The following ADGRG6 variants were observed in gnomAD, a reference collection of about 807,000 sequenced individuals.
The protein encoded by ADGRG6 is G-protein coupled receptor 126.
Under a neutral mutation model 142.4 loss-of-function variants are expected in ADGRG6, and 84 were observed. The observed-to-expected ratio is 0.59, with a 90% CI of 0.49 to 0.71. The LOEUF (loss-of-function observed/expected upper bound fraction) is 0.71. Among genes scored for constraint, ADGRG6 ranks in the 30% least tolerant of loss-of-function variants. The pLI, the probability that ADGRG6 is intolerant of heterozygous loss-of-function variation, is 0.00. For missense variants in ADGRG6, 1,367 were observed against 1,466.6 expected (o/e 0.93, Z 1.11); for synonymous variants, 521 against 520.5 (o/e 1.00, Z -0.01).
chr6:142,363,908 A>C (rs1221332658), intron 2 of ADGRG6, among the ~76,000 whole-genome samples: 1 of 152,126 alleles, frequency 6.6e-6, no homozygotes, highest in Non-Finnish European at 1.5e-5. Flanking sequence ...TTTTAGGGCT[A>C]TGAAACTCTT....
intron 2 of ADGRG6, among the ~76,000 whole-genome samples, chr6:142,329,527 T>TA (rs1778938356): frequency 6.6e-6 from 1 of 152,124 alleles, no homozygotes; most frequent in South Asian, 2.1e-4. Context: ...TTTGTTACCT[T>TA]ACGAGATCAT....
In ADGRG6 at chr6:142,312,805, A is replaced by G. The variant is rs949506787; in HGVS notation, c.103+3161A>G. Among the ~76,000 whole-genome samples, 5 of 152,130 alleles carry G rather than the reference A, an allele frequency of 3.3e-5. 1 individual carries two copies. The highest frequency in any genetic ancestry group is 4.1e-4 in the South Asian group (2 of 4,834). On this transcript the variant is annotated intron_variant, in intron 2 of 24. Transcript: ENST00000367609. ...AACTGGAAGAGACGTTGTTCACTGAAAGGGGGATGGTTATGTGCATTATTT... is the reference window on the plus strand; with the variant it reads ...AACTGGAAGAGACGTTGTTCACTGAGAGGGGGATGGTTATGTGCATTATTT...
intron 2 of ADGRG6, among the ~76,000 whole-genome samples, chr6:142,333,599 C>T (rs1779169815): frequency 6.6e-6 from 1 of 152,148 alleles, no homozygotes; most frequent in Non-Finnish European, 1.5e-5. Context: ...ATCCTCCTGC[C>T]TTGGCCACCA....
intron 7 of ADGRG6, 111 bp downstream of exon 7, chr6:142,390,454 A>G (rs918142048): frequency 1.8e-6 from 1 of 556,466 alleles, no homozygotes; most frequent in South Asian, 2.4e-5. Context: ...GATGGTATTC[A>G]TTAGAAATAT....
At chr6:142,339,756 CCTT>C (rs1562322624) in intron 2 of ADGRG6, among the ~76,000 whole-genome samples, 2 of 152,096 alleles carry the variant, frequency 1.3e-5, no homozygotes, top group Admixed American at 6.5e-5. Context: ...TCTGAAATGA[CCTT>C]CTTAGCCTTT....
At chr6:142,407,190 A>G (rs796589112) in intron 15 of ADGRG6, among the ~76,000 whole-genome samples, 14 of 149,974 alleles carry the variant, frequency 9.3e-5, no homozygotes, top group African/African-American at 2.9e-4. Context: ...AAAAAAAAAA[A>G]GGAAGCATAT....
At position 142,443,751 on chromosome 6, in the gene ADGRG6, G is replaced by T; in HGVS notation, c.*236G>T. On this transcript the variant is annotated 3_prime_UTR_variant, in exon 25 of 25. Transcript: ENST00000367609. ...AGAGTAACATGACTCAGTAGCCACAGAAGCTATGATTTGTAAAATATATAA... is the reference window on the plus strand; with the variant it reads ...AGAGTAACATGACTCAGTAGCCACATAAGCTATGATTTGTAAAATATATAA... 1 of 380,166 alleles carries T rather than the reference G, an allele frequency of 2.6e-6. No homozygotes were observed. The highest frequency in any genetic ancestry group is 4.7e-5 in the East Asian group (1 of 21,200). 23.5% of individuals were successfully genotyped at this position (380,166 alleles called of 1,614,324 possible).
intron 2 of ADGRG6, among the ~76,000 whole-genome samples, chr6:142,350,783 A>ATT (rs1780134308): frequency 6.6e-6 from 1 of 152,224 alleles, no homozygotes; most frequent in African/African-American, 2.4e-5. Context: ...TTAAAAAACA[A>ATT]TTATCTCTTA....
At chr6:142,390,481 G>A in intron 7 of ADGRG6, 138 bp downstream of exon 7, 1 of 476,730 alleles carries the variant, frequency 2.1e-6, no homozygotes, top group Admixed American at 3.5e-5. Context: ...AGATATGTAA[G>A]TGAGGTGTTG....
At chr6:142,412,334 GC>G (rs1490295816) in intron 18 of ADGRG6, among the ~76,000 whole-genome samples, 10 of 152,114 alleles carry the variant, frequency 6.6e-5, no homozygotes, top group African/African-American at 2.2e-4. Context: ...GTGAGCTGAG[GC>G]AATAAAGCTT....
At position 142,441,806 on chromosome 6, in the gene ADGRG6, T is replaced by C. The variant is rs146420995; in HGVS notation, c.3575-1531T>C. On this transcript the variant is annotated intron_variant, in intron 24 of 24. Transcript: ENST00000367609. ...GAACTGAAAGGAAGCTCAGAATCAATCAGCTTGCTGAGAGCCTAATGGGGA... is the reference window on the plus strand; with the variant it reads ...GAACTGAAAGGAAGCTCAGAATCAACCAGCTTGCTGAGAGCCTAATGGGGA... 1.7e-3 allele frequency among the ~76,000 whole-genome samples: 264 copies of C among 152,292 alleles called. 1 individual carries two copies. Among genetic ancestry groups the C allele is most frequent in the Non-Finnish European group, 3.3e-3 (223 of 68,032 alleles).
At chr6:142,360,302 G>C (rs1780651236) in intron 2 of ADGRG6, among the ~76,000 whole-genome samples, 1 of 152,204 alleles carries the variant, frequency 6.6e-6, no homozygotes. Context: ...ATGGTGCTCA[G>C]TAGCACATGT....
At chr6:142,338,181 C>T (rs888140950) in intron 2 of ADGRG6, among the ~76,000 whole-genome samples, 18 of 151,158 alleles carry the variant, frequency 1.2e-4, no homozygotes, top group African/African-American at 1.7e-4. Flanking sequence ...CCACTACGCC[C>T]GGCTAACTTT....
intron 2 of ADGRG6, among the ~76,000 whole-genome samples, chr6:142,365,352 C>T (rs2114842610): frequency 6.6e-6 from 1 of 152,236 alleles, no homozygotes; most frequent in East Asian, 1.9e-4. Context: ...GGCATGGTTC[C>T]CTTCATTTAA....
At position 142,415,958 on chromosome 6, in the gene ADGRG6, C is replaced by A. The variant is rs533361473; in HGVS notation, c.2832C>A (p.Thr944=). The part of the protein sequence containing the change: ...AVLLHFFLLA[T]FTWMGLEAIH... ...TGTTGCATTTCTTCCTTCTGGCAAC[C>A]TTTACCTGGATGGGGCTAGAAGCAA... Residue 944 remains threonine (T), a synonymous_variant, in exon 20 of 25, where the codon ACC becomes ACA. Coordinates refer to ENST00000367609, the MANE Select transcript of ADGRG6 (RefSeq NM_198569.3). 13 of 1,613,362 alleles carry A rather than the reference C, an allele frequency of 8.1e-6. No homozygotes were observed. In the Admixed American group the frequency reaches 8.3e-5, roughly 10 times the overall value.
At chr6:142,327,139 G>T (rs950444293) in intron 2 of ADGRG6, among the ~76,000 whole-genome samples, 1 of 152,002 alleles carries the variant, frequency 6.6e-6, no homozygotes, top group Non-Finnish European at 1.5e-5. Context: ...ATGTAATGCA[G>T]TTGTCAGTGG....
intron 2 of ADGRG6, among the ~76,000 whole-genome samples, chr6:142,363,958 G>A (rs4140531): frequency 0.076 from 11,522 of 151,682 alleles, 580 homozygotes; most frequent in East Asian, 0.25. Flanking sequence ...TCTTAAAGAA[G>A]CACTTGAGCT....
intron 22 of ADGRG6, among the ~76,000 whole-genome samples, chr6:142,432,466 C>A (rs1189924814): frequency 1.3e-5 from 2 of 152,168 alleles, no homozygotes; most frequent in South Asian, 2.1e-4. Context: ...AAAATATATT[C>A]ATTCCTAAGA....
At chr6:142,419,761 C>T in intron 21 of ADGRG6, 60 bp from the exon 22 acceptor site, 1 of 1,339,630 alleles carries the variant, frequency 7.5e-7, no homozygotes, top group South Asian at 1.4e-5. Context: ...TGAGAAAAGT[C>T]TTAGGTAAAC....
Sources: allele counts gnomAD v4.1 joint callset (sites outside exome capture counted in the v4.1 genomes callset), GRCh38; gene constraint gnomAD v4.1.1; transcripts MANE v1.5; gene names NCBI Gene and HGNC (gene_info 2026-07-23, HGNC 2026-07-21).